The following GSN variants were observed in gnomAD, a reference collection of about 807,000 sequenced individuals.
GSN encodes the protein gelsolin, also known as actin-depolymerizing factor.
Under a neutral mutation model 85.7 loss-of-function variants are expected in GSN, and 56 were observed. The ratio of observed to expected loss-of-function variants is 0.65; its 90% CI spans 0.53 to 0.82. GSN has a LOEUF of 0.82. GSN is among the 40% of genes least tolerant of loss of function. GSN has a pLI of 0.00. For missense variants in GSN, 857 were observed against 979.8 expected, an observed-to-expected ratio of 0.87 and a Z score of 1.67; for synonymous variants, 373 against 399.1, an observed-to-expected ratio of 0.93 and a Z score of 0.78.
At chr9:121,284,953 G>C (rs1224622790) in intron 2 of GSN, 1 of 167,400 alleles carries the variant, frequency 6.0e-6, no homozygotes, top group Admixed American at 6.5e-5. Flanking sequence ...CCATACCTCT[G>C]TTCGGTTATC....
At chr9:121,321,224 G>A (rs553447738) in intron 10 of GSN, 44 bp from the exon 11 acceptor site, 8 of 1,609,856 alleles carry the variant, frequency 5.0e-6, no homozygotes, top group Non-Finnish European at 6.8e-6. Flanking sequence ...GAGCTGGGGG[G>A]TGGGGGTGCT....
chr9:121,225,430 C>T (rs1348670587), intron 4 of GSN, among the ~76,000 whole-genome samples: 7 of 152,170 alleles, frequency 4.6e-5, no homozygotes, highest in Admixed American at 2.6e-4. Flanking sequence ...CCTGTGAGCC[C>T]GGGCTGTTCA....
At chr9:121,315,031 T>C (rs1246047654) in intron 7 of GSN, among the ~76,000 whole-genome samples, 1 of 152,290 alleles carries the variant, frequency 6.6e-6, no homozygotes, top group East Asian at 1.9e-4. Flanking sequence ...CAGCTAACTT[T>C]TGTATTTTTT....
chr9:121,267,866 G>C (rs2055295334), upstream of GSN, among the ~76,000 whole-genome samples: 1 of 152,174 alleles, frequency 6.6e-6, no homozygotes, highest in African/African-American at 2.4e-5. Flanking sequence ...GCCCAGCTCA[G>C]GAGCTGCCCT....
chr9:121,215,860 A>G (rs1022587894), intron 4 of GSN, among the ~76,000 whole-genome samples: 4 of 152,160 alleles, frequency 2.6e-5, no homozygotes, highest in African/African-American at 9.6e-5. Context: ...TTCAAGTATC[A>G]TATAAATTAT....
intron 5 of GSN, among the ~76,000 whole-genome samples, chr9:121,234,252 G>T (rs1307895904): frequency 6.6e-6 from 1 of 152,190 alleles, no homozygotes; most frequent in East Asian, 1.9e-4. Flanking sequence ...ATTTTGGGTG[G>T]CCATGCACCC....
Position 121,299,766 on chromosome 9 carries a change from G to T in GSN, c.-9-2197G>T. On this transcript the variant is annotated intron_variant, in intron 2 of 17. Coordinates refer to ENST00000432226, the MANE Select transcript of GSN (RefSeq NM_198252.3). The surrounding 1 kb of genome is among the most constrained non-coding windows in gnomAD (Gnocchi z 4.2). ...CCCCGCCCCGCGCCCTCCCTGGGGG[G>T]CGGTCCCCGGCTTGGGCGGGATGGG... 1 of 1,201,716 alleles carries T rather than the reference G, an allele frequency of 8.3e-7. No individual in the cohort carries two copies. The highest frequency in any genetic ancestry group is 1.0e-6 in the Non-Finnish European group (1 of 959,080). The allele number at this position is 1,201,716 out of a possible 1,614,324, so 74.4% of individuals were successfully genotyped here.
At chr9:121,231,513 G>A (rs1405699762) in intron 5 of GSN, among the ~76,000 whole-genome samples, 1 of 152,130 alleles carries the variant, frequency 6.6e-6, no homozygotes, top group Non-Finnish European at 1.5e-5. Context: ...CTTTGAAGCT[G>A]TAATTAACTT....
intron 4 of GSN, among the ~76,000 whole-genome samples, chr9:121,223,292 C>T (rs2054206097): frequency 6.6e-6 from 1 of 152,064 alleles, no homozygotes; most frequent in Non-Finnish European, 1.5e-5. Context: ...TGATGATCAC[C>T]TAACATTCCG....
At chr9:121,209,910 A>G (rs1390083100) in intron 2 of GSN, among the ~76,000 whole-genome samples, 1 of 152,234 alleles carries the variant, frequency 6.6e-6, no homozygotes, top group Admixed American at 6.5e-5. Flanking sequence ...AATGAGAAAC[A>G]GGCCTCTCTG....
chr9:121,286,562 C>T lies in GSN; in HGVS notation c.-10+5000C>T. 2.1e-6 allele frequency: 3 copies of T among 1,449,752 alleles called. No homozygotes were observed. The South Asian group carries it at 4.4e-5, about 21-fold the overall frequency. The allele number at this position is 1,449,752 out of a possible 1,614,324, so 89.8% of individuals were successfully genotyped here. Reference sequence around the variant, plus strand: ...CTGCCCCAATGCCCCTCCTCCGTGGCTCTGTTGGGCCATGGGTGCTCCCTC... The same window carrying T: ...CTGCCCCAATGCCCCTCCTCCGTGGTTCTGTTGGGCCATGGGTGCTCCCTC... On this transcript the variant is annotated intron_variant, in intron 2 of 17. Transcript: ENST00000432226.
chr9:121,228,425 T>TATATATATATATATATATATATATATA (rs1491358330), intron 4 of GSN, among the ~76,000 whole-genome samples: 11 of 19,490 alleles, frequency 5.6e-4, no homozygotes, highest in Non-Finnish European at 7.6e-4. Flanking sequence ...TATATATATA[T>TATATATATATATATATATATATATATA]TTTTTTTTTT....
At chr9:121,295,310 G>A (rs2059109513) in intron 2 of GSN, among the ~76,000 whole-genome samples, 1 of 152,168 alleles carries the variant, frequency 6.6e-6, no homozygotes, top group South Asian at 2.1e-4. Context: ...AGTTCCACTG[G>A]GTTTCATAAC....
the GSN span, among the ~76,000 whole-genome samples, chr9:121,202,501 G>T: frequency 1.3e-5 from 2 of 152,238 alleles, no homozygotes; most frequent in East Asian, 1.9e-4. Context: ...TCACTTTGGG[G>T]TTGCCTTTGA....
intron 4 of GSN, among the ~76,000 whole-genome samples, chr9:121,305,853 G>T (rs553347759): frequency 6.6e-6 from 1 of 152,200 alleles, no homozygotes; most frequent in Non-Finnish European, 1.5e-5. Flanking sequence ...TCGCCCCGGC[G>T]CCCTCATCAA....
rs1376071898 is a variant in GSN at position 121,329,660 on chromosome 9, T to G, written c.1965+345T>G. Among the ~76,000 whole-genome samples, 1 of 152,196 alleles carries G rather than the reference T, an allele frequency of 6.6e-6. No homozygotes were observed. On this transcript the variant is annotated intron_variant, in intron 16 of 17. Transcript: ENST00000432226. This position sits in a 1 kb window ranked among gnomAD's most constrained non-coding sequence, Gnocchi z 4.6. Reference sequence around the variant, plus strand: ...GAGGAAGTTGAACTTAGCAGCATCTTGTTTGCAGGCATAAACTGTCCAGTG... The same window carrying G: ...GAGGAAGTTGAACTTAGCAGCATCTGGTTTGCAGGCATAAACTGTCCAGTG...
chr9:121,310,990 A>ACG, intron 5 of GSN, 145 bp downstream of exon 5: 2 of 732,330 alleles, frequency 2.7e-6, no homozygotes, highest in Non-Finnish European at 4.7e-6. Flanking sequence ...ATATGTCTGT[A>ACG]TGCAAAGACT....
At chr9:121,281,781 C>G (rs141060811) in intron 2 of GSN, 1 of 471,114 alleles carries the variant, frequency 2.1e-6, no homozygotes, top group Non-Finnish European at 4.4e-6. Flanking sequence ...GGGAGGAGGC[C>G]GGGACTGGGC....
chr9:121,227,257 G>A (rs2054287017), intron 4 of GSN, among the ~76,000 whole-genome samples: 1 of 152,110 alleles, frequency 6.6e-6, no homozygotes, highest in Non-Finnish European at 1.5e-5. Flanking sequence ...AGCTAGGCGT[G>A]GTGGTGCGTG....
Sources: allele counts gnomAD v4.1 joint callset (sites outside exome capture counted in the v4.1 genomes callset), GRCh38; gene constraint gnomAD v4.1.1; non-coding constraint Gnocchi (gnomAD v3.1); transcripts MANE v1.5; gene names NCBI Gene and HGNC (gene_info 2026-07-23, HGNC 2026-07-21).